Variants in DLG2 observed in about 807,000 individuals in gnomAD.
DLG2 encodes disks large homolog 2.
In DLG2, 45 loss-of-function variants were observed where a neutral mutation model predicts 132.5. The ratio of observed to expected loss-of-function variants is 0.34; its 90% CI spans 0.27 to 0.44. DLG2 has a LOEUF of 0.44. Among genes scored for constraint, DLG2 ranks in the 20% least tolerant of loss-of-function variants. The pLI is 1.00. For missense variants in DLG2, 1,045 were observed against 1,196.9 expected, an observed-to-expected ratio of 0.87 and a Z score of 1.87; for synonymous variants, 424 against 419.6, an observed-to-expected ratio of 1.01 and a Z score of -0.13.
intron 9 of DLG2, among the ~76,000 whole-genome samples, chr11:84,162,103 A>G (rs1442908672): frequency 2.0e-5 from 3 of 152,190 alleles, no homozygotes; most frequent in Non-Finnish European, 4.4e-5. Context: ...CAGGTCTACA[A>G]TCTTCATTTA....
At chr11:84,951,685 T>G (rs2050947882) in intron 6 of DLG2, among the ~76,000 whole-genome samples, 1 of 150,436 alleles carries the variant, frequency 6.6e-6, no homozygotes, top group Non-Finnish European at 1.5e-5. Context: ...CACATATATA[T>G]GCATTCTATA....
chr11:84,126,641 C>T (rs180845837), intron 9 of DLG2, among the ~76,000 whole-genome samples: 216 of 152,166 alleles, frequency 1.4e-3, no homozygotes, highest in African/African-American at 4.8e-3. Context: ...AATTTGTAAA[C>T]GTATGAAACT....
intron 9 of DLG2, among the ~76,000 whole-genome samples, chr11:84,131,603 T>C (rs892889011): frequency 6.6e-6 from 1 of 151,846 alleles, no homozygotes; most frequent in Admixed American, 6.6e-5. Context: ...TCTGAGTGTA[T>C]TGCAGCAGGT....
intron 3 of DLG2, among the ~76,000 whole-genome samples, chr11:85,474,046 C>T (rs1380168186): frequency 6.6e-6 from 1 of 151,916 alleles, no homozygotes; most frequent in African/African-American, 2.4e-5. Flanking sequence ...AACTACAAAA[C>T]TCCAACTCTA....
At chr11:84,134,598 G>C (rs2094533782) in intron 9 of DLG2, among the ~76,000 whole-genome samples, 2 of 151,956 alleles carry the variant, frequency 1.3e-5, no homozygotes, top group Admixed American at 1.3e-4. Context: ...ACTAGGTACA[G>C]TTCCCACCAC....
At chr11:85,055,555 G>C (rs1348763725) in intron 6 of DLG2, among the ~76,000 whole-genome samples, 2 of 152,142 alleles carry the variant, frequency 1.3e-5, no homozygotes, top group African/African-American at 4.8e-5. Context: ...ATGGACTGGG[G>C]AAACAAAAAT....
At chr11:85,486,087 G>T (rs1434096378) in intron 3 of DLG2, among the ~76,000 whole-genome samples, 1 of 152,156 alleles carries the variant, frequency 6.6e-6, no homozygotes, top group East Asian at 1.9e-4. Flanking sequence ...TTCCCTGGTG[G>T]TAGGCCCACA....
chr11:84,172,980 T>G (rs2095858738), intron 8 of DLG2, among the ~76,000 whole-genome samples: 1 of 152,230 alleles, frequency 6.6e-6, no homozygotes, highest in African/African-American at 2.4e-5. Flanking sequence ...AGCACACGTT[T>G]TTTTGTAATT....
At chr11:84,920,625 G>A (rs1591317070) in intron 6 of DLG2, among the ~76,000 whole-genome samples, 1 of 152,200 alleles carries the variant, frequency 6.6e-6, no homozygotes, top group East Asian at 1.9e-4. Context: ...CTCTAACATA[G>A]TGCATAAATC....
chr11:83,640,873 TATAG>T (rs1296398786), intron 18 of DLG2, among the ~76,000 whole-genome samples: 1 of 152,162 alleles, frequency 6.6e-6, no homozygotes, highest in African/African-American at 2.4e-5. Context: ...TCTGGTTACT[TATAG>T]AGTGAGAAGA....
chr11:84,358,935 A>G (rs1298082419), intron 7 of DLG2, among the ~76,000 whole-genome samples: 1 of 151,884 alleles, frequency 6.6e-6, no homozygotes, highest in Non-Finnish European at 1.5e-5. Context: ...TGAGATTTCA[A>G]CCCAGATCAT....
At chr11:83,588,622 G>A (rs547590144) in intron 19 of DLG2, among the ~76,000 whole-genome samples, 40 of 151,480 alleles carry the variant, frequency 2.6e-4, no homozygotes, top group African/African-American at 5.1e-4. Context: ...CACCAGCAAC[G>A]GAACAAAGCT....
chr11:84,273,403 AG>A, intron 7 of DLG2: 1 of 1,232,284 alleles, frequency 8.1e-7, no homozygotes. Context: ...TTAAAAAAAA[AG>A]TTAATCAGAA....
chr11:84,060,351 T>G (rs528093930), intron 10 of DLG2, among the ~76,000 whole-genome samples: 1 of 152,138 alleles, frequency 6.6e-6, no homozygotes, highest in Admixed American at 6.6e-5. Flanking sequence ...TAAATAAGTC[T>G]GTCAGCTTTC....
intron 6 of DLG2, among the ~76,000 whole-genome samples, chr11:84,556,422 G>C (rs913923721): frequency 1.3e-5 from 2 of 152,216 alleles, no homozygotes; most frequent in Admixed American, 6.5e-5. Context: ...TAAATGGTTA[G>C]AGCAAGAGTA....
intron 6 of DLG2, among the ~76,000 whole-genome samples, chr11:84,972,077 T>A (rs2054178223): frequency 6.6e-6 from 1 of 152,136 alleles, no homozygotes; most frequent in East Asian, 1.9e-4. Context: ...CATAAAATTT[T>A]AGATGCCACA....
intron 11 of DLG2, among the ~76,000 whole-genome samples, chr11:84,047,038 T>C (rs2096255725): frequency 6.6e-6 from 1 of 151,612 alleles, no homozygotes; most frequent in African/African-American, 2.4e-5. Flanking sequence ...CATTGGTCCA[T>C]GAGTTGAGGA....
At chr11:85,048,039 CTAATT>C (rs1254457927) in intron 6 of DLG2, among the ~76,000 whole-genome samples, 1 of 151,854 alleles carries the variant, frequency 6.6e-6, no homozygotes, top group Non-Finnish European at 1.5e-5. Context: ...TAATAGTCTA[CTAATT>C]TATTTTACTA....
At chr11:85,395,713 G>A (rs563855488) in intron 3 of DLG2, among the ~76,000 whole-genome samples, 1 of 106,488 alleles carries the variant, frequency 9.4e-6, no homozygotes, top group East Asian at 2.8e-4. Flanking sequence ...AGGGGCGTCT[G>A]CCATTGCTGA....
Sources: gnomAD v4.1 joint callset for allele counts (sites outside exome capture counted in the v4.1 genomes callset) on GRCh38, gnomAD v4.1.1 for gene constraint, MANE v1.5 for transcripts, NCBI Gene and HGNC (gene_info 2026-07-23, HGNC 2026-07-21) for gene names.